The following TRPC6 variants were observed in gnomAD, a reference collection of about 807,000 sequenced individuals.
TRPC6 encodes the protein short transient receptor potential channel 6.
In TRPC6, 55 loss-of-function variants were observed where a neutral mutation model predicts 90.7. The observed-to-expected ratio is 0.61, with a 90% confidence interval of 0.49 to 0.76. TRPC6 has a LOEUF of 0.76. Among genes scored for constraint, TRPC6 ranks in the 30% least tolerant of loss-of-function variants. The pLI, the probability that TRPC6 is intolerant of heterozygous loss-of-function variation, is 0.00. For missense variants in TRPC6, 989 were observed against 1,122.7 expected, an observed-to-expected ratio of 0.88 and a Z score of 1.70; for synonymous variants, 393 against 393.0, an observed-to-expected ratio of 1.00 and a Z score of 0.00.
At chr11:101,496,209 T>A (rs188240126) in intron 2 of TRPC6, among the ~76,000 whole-genome samples, 17 of 152,278 alleles carry the variant, frequency 1.1e-4, no homozygotes, top group Admixed American at 5.2e-4. Context: ...AGTCATCTCC[T>A]ACCAGGCCCC....
intron 1 of TRPC6, among the ~76,000 whole-genome samples, chr11:101,534,330 T>G (rs1348934090): frequency 6.6e-6 from 1 of 152,116 alleles, no homozygotes; most frequent in Non-Finnish European, 1.5e-5. Context: ...GAGGTGGAGT[T>G]TCACCATGTT....
At chr11:101,491,797 T>A in intron 2 of TRPC6, 59 bp from the exon 3 acceptor site, 1 of 1,423,086 alleles carries the variant, frequency 7.0e-7, no homozygotes, top group Non-Finnish European at 9.8e-7. Context: ...TTACTATGCT[T>A]CAGAGACTTG....
At chr11:101,459,039 C>T (rs1858945626) in intron 10 of TRPC6, among the ~76,000 whole-genome samples, 1 of 152,124 alleles carries the variant, frequency 6.6e-6, no homozygotes, top group Admixed American at 6.5e-5. Flanking sequence ...TAAATGATTG[C>T]CTTAAAAAAT....
intron 2 of TRPC6, among the ~76,000 whole-genome samples, chr11:101,502,968 GA>G (rs1591092832): frequency 6.6e-6 from 1 of 151,936 alleles, no homozygotes; most frequent in Admixed American, 6.6e-5. Context: ...TCAGCATATA[GA>G]AAAAAAATGA....
At chr11:101,525,954 G>C (rs1306820061) in intron 1 of TRPC6, among the ~76,000 whole-genome samples, 1 of 152,166 alleles carries the variant, frequency 6.6e-6, no homozygotes, top group Non-Finnish European at 1.5e-5. Flanking sequence ...CCATAGGATG[G>C]GCGGGGCAGC....
chr11:101,494,043 C>G (rs969198208), intron 2 of TRPC6, among the ~76,000 whole-genome samples: 3 of 152,098 alleles, frequency 2.0e-5, no homozygotes, highest in African/African-American at 7.2e-5. Flanking sequence ...GAGAATGGCT[C>G]AAACTACTTA....
At chr11:101,498,226 T>C (rs1031928045) in intron 2 of TRPC6, among the ~76,000 whole-genome samples, 22 of 152,184 alleles carry the variant, frequency 1.4e-4, no homozygotes, top group Admixed American at 4.6e-4. Flanking sequence ...GTTGCCAAAA[T>C]TGTCTTAACC....
chr11:101,499,999 T>G (rs1860070676), intron 2 of TRPC6, among the ~76,000 whole-genome samples: 1 of 78,424 alleles, frequency 1.3e-5, no homozygotes, highest in East Asian at 2.6e-4. Context: ...ATACACAGTA[T>G]AAAATGTGTA....
chr11:101,517,611 G>C (rs1055956241), intron 1 of TRPC6, among the ~76,000 whole-genome samples: 2 of 152,144 alleles, frequency 1.3e-5, no homozygotes, highest in African/African-American at 4.8e-5. Context: ...AAGTAATAAT[G>C]ATAGAACCAC....
At position 101,484,575 on chromosome 11, in the gene TRPC6, ATC is replaced by A. The variant is rs10627556; in HGVS notation, c.1294-1412_1294-1411del. On this transcript the variant is annotated intron_variant, in intron 4 of 12. Transcript: ENST00000344327. Reference sequence around the variant, plus strand: ...AGAATATCAGGAGATATTGTATTGTATCTCTCTCTCTCTCATGCTATGTGTGT... The same window carrying A: ...AGAATATCAGGAGATATTGTATTGTATCTCTCTCTCTCATGCTATGTGTGT... 4.2e-3 allele frequency among the ~76,000 whole-genome samples: 621 copies of A among 146,344 alleles called. 3 individuals carry two copies. The highest frequency in any genetic ancestry group is 0.015 in the African/African-American group (595 of 40,174).
At chr11:101,557,547 T>C (rs965982872) in intron 1 of TRPC6, among the ~76,000 whole-genome samples, 5 of 152,014 alleles carry the variant, frequency 3.3e-5, no homozygotes, top group Admixed American at 3.3e-4. Context: ...GCATCCAAAT[T>C]AGAAAGGAAG....
At chr11:101,496,151 C>T (rs1859944095) in intron 2 of TRPC6, among the ~76,000 whole-genome samples, 1 of 152,146 alleles carries the variant, frequency 6.6e-6, no homozygotes, top group Admixed American at 6.6e-5. Context: ...CATGAGAACT[C>T]ACTCACTAGC....
At position 101,493,207 on chromosome 11, in the gene TRPC6, C is replaced by A. The variant is rs544638800; in HGVS notation, c.946-1469G>T. 2.0e-5 allele frequency among the ~76,000 whole-genome samples: 3 copies of A among 152,288 alleles called. No homozygotes were observed. The East Asian group carries it at 5.8e-4, about 29-fold the overall frequency. On this transcript the variant is annotated intron_variant, in intron 2 of 12. Coordinates refer to ENST00000344327, the MANE Select transcript of TRPC6 (RefSeq NM_004621.6). ...TGGGCCACATTGGAAGAAGAATTGT[C>A]TTGGGCCACACATAAAATACACTAA...
intron 1 of TRPC6, among the ~76,000 whole-genome samples, chr11:101,567,216 G>A (rs982936583): frequency 6.6e-6 from 1 of 152,104 alleles, no homozygotes; most frequent in South Asian, 2.1e-4. Context: ...GCTTGAGGGG[G>A]CGGTTTTATC....
At chr11:101,515,527 G>A (rs1344649563) in intron 1 of TRPC6, among the ~76,000 whole-genome samples, 1 of 152,098 alleles carries the variant, frequency 6.6e-6, no homozygotes, top group Non-Finnish European at 1.5e-5. Context: ...GACACAAAAT[G>A]TTTTATGCAT....
chr11:101,510,445 A>G (rs1860370125), intron 1 of TRPC6, among the ~76,000 whole-genome samples: 1 of 152,168 alleles, frequency 6.6e-6, no homozygotes, highest in Non-Finnish European at 1.5e-5. Context: ...CATTTCAGCT[A>G]AAGGGCACAC....
chr11:101,561,213 A>G (rs956564941), intron 1 of TRPC6, among the ~76,000 whole-genome samples: 1 of 152,140 alleles, frequency 6.6e-6, no homozygotes, highest in Non-Finnish European at 1.5e-5. Context: ...TTCCTCCTAC[A>G]CTAATAATAT....
intron 1 of TRPC6, among the ~76,000 whole-genome samples, chr11:101,527,001 T>C (rs930786140): frequency 2.3e-4 from 34 of 150,872 alleles, no homozygotes; most frequent in African/African-American, 7.2e-4. Flanking sequence ...TACATAAATG[T>C]TTAATGAATT....
intron 10 of TRPC6, among the ~76,000 whole-genome samples, chr11:101,464,615 CT>C (rs1041336205): frequency 5.3e-5 from 8 of 151,532 alleles, no homozygotes; most frequent in South Asian, 2.1e-4. Flanking sequence ...GCAACACCTG[CT>C]TTTTTTTTCT....
Sources: gnomAD v4.1 joint callset for allele counts (sites outside exome capture counted in the v4.1 genomes callset) on GRCh38, gnomAD v4.1.1 for gene constraint, MANE v1.5 for transcripts, NCBI Gene and HGNC (gene_info 2026-07-23, HGNC 2026-07-21) for gene names.